The following TFAP2B variants were observed in gnomAD, a reference collection of about 807,000 sequenced individuals.
TFAP2B encodes transcription factor AP-2-beta.
A neutral mutation model predicts 44.3 loss-of-function variants in TFAP2B; 9 were observed. The observed-to-expected ratio is 0.20, with a 90% CI of 0.12 to 0.35. The LOEUF is 0.35. TFAP2B is among the 10% of genes least tolerant of loss of function. The pLI, the probability that TFAP2B is intolerant of heterozygous loss-of-function variation, is 1.00. For synonymous variants in TFAP2B, 270 were observed against 263.8 expected (o/e 1.02, Z -0.23); for missense variants, 509 against 600.0 (o/e 0.85, Z 1.59).
At position 50,823,765 on chromosome 6, in the gene TFAP2B, C is replaced by T. The variant is rs1357019319; in HGVS notation, c.440C>T (p.Pro147Leu). ...PRRDYHSVRR[P>L]DVLLHSAHHG... The stretch of plus-strand genomic sequence containing the variant: ...AGGGACTACCACTCGGTCCGCCGGC[C>T]GGACGTGCTGCTGCATTCGGCGCAC... Residue 147 changes from proline (P) to leucine (L), a missense_variant, in exon 2 of 7, where the codon CCG (proline) becomes CTG (leucine). Coordinates refer to ENST00000393655, the MANE Select transcript of TFAP2B (RefSeq NM_003221.4). The T allele has an allele frequency of 6.2e-7, 1 of 1,601,156 alleles. No homozygotes were observed.
chr6:50,823,247 T>C (rs1214396105), intron 1 of TFAP2B, among the ~76,000 whole-genome samples, 160 bp from the exon 2 acceptor site: 1 of 152,134 alleles, frequency 6.6e-6, no homozygotes, highest in African/African-American at 2.4e-5. Flanking sequence ...TTCAGATCCT[T>C]GCTTCCCTTG....
chr6:50,825,843 C>T (rs940266842), intron 2 of TFAP2B, among the ~76,000 whole-genome samples: 2 of 152,092 alleles, frequency 1.3e-5, no homozygotes, highest in African/African-American at 4.8e-5. Context: ...GGGAGGCCCA[C>T]GGGACCTTCT....
At chr6:50,838,522 C>T (rs1354363646) in intron 5 of TFAP2B, among the ~76,000 whole-genome samples, 1 of 152,148 alleles carries the variant, frequency 6.6e-6, no homozygotes, top group Non-Finnish European at 1.5e-5. Context: ...AAACTTTTGT[C>T]ACTCCTAGGG....
Position 50,828,032 on chromosome 6 carries a change from C to G in TFAP2B, c.541-587C>G, listed in dbSNP as rs182355400. Reference sequence around the variant, plus strand: ...GAGGGAGGGTAAATTGTGAAGGTTCCTCCAAGAGACTGTCATTGTGCAGCA... The same window carrying G: ...GAGGGAGGGTAAATTGTGAAGGTTCGTCCAAGAGACTGTCATTGTGCAGCA... On this transcript the variant is annotated intron_variant, in intron 2 of 6. Coordinates refer to ENST00000393655, the MANE Select transcript of TFAP2B (RefSeq NM_003221.4). 1.6e-3 allele frequency among the ~76,000 whole-genome samples: 241 copies of G among 152,288 alleles called. 1 individual carries two copies. The highest frequency in any genetic ancestry group is 5.5e-3 in the African/African-American group (230 of 41,552).
chr6:50,821,225 T>C (rs1770336736), intron 1 of TFAP2B, among the ~76,000 whole-genome samples: 1 of 152,226 alleles, frequency 6.6e-6, no homozygotes, highest in African/African-American at 2.4e-5. Context: ...AATCGCAAAC[T>C]ATGTGAGCAC....
intron 2 of TFAP2B, among the ~76,000 whole-genome samples, chr6:50,825,933 C>G (rs564435211): frequency 6.6e-6 from 1 of 152,292 alleles, no homozygotes; most frequent in East Asian, 1.9e-4. Context: ...ACGGTCTCTG[C>G]CTCCGCGGTG....
At chr6:50,830,247 T>G in intron 3 of TFAP2B, 1 of 956,042 alleles carries the variant, frequency 1.0e-6, no homozygotes, top group Non-Finnish European at 1.2e-6. Flanking sequence ...TCATTTGGGC[T>G]GGCAGGGGAA....
At chr6:50,826,994 C>CA (rs1339662992) in intron 2 of TFAP2B, among the ~76,000 whole-genome samples, 1 of 152,220 alleles carries the variant, frequency 6.6e-6, no homozygotes, top group Non-Finnish European at 1.5e-5. Context: ...ATATCCTGTA[C>CA]AAAAACCCAG....
At chr6:50,819,683 G>C (rs1258023497) in intron 1 of TFAP2B, among the ~76,000 whole-genome samples, 1 of 152,228 alleles carries the variant, frequency 6.6e-6, no homozygotes, top group Non-Finnish European at 1.5e-5. Context: ...CAACTCTTCG[G>C]GGCAGGAGAA....
chr6:50,839,661 T>C (rs1397508842), intron 5 of TFAP2B, among the ~76,000 whole-genome samples: 1 of 152,224 alleles, frequency 6.6e-6, no homozygotes, highest in African/African-American at 2.4e-5. Context: ...GAAATACTCT[T>C]TCCATATACA....
chr6:50,824,241 C>T (rs1441049636), intron 2 of TFAP2B, among the ~76,000 whole-genome samples: 2 of 152,334 alleles, frequency 1.3e-5, no homozygotes, highest in Non-Finnish European at 2.9e-5. Context: ...TCTTTACCAA[C>T]ACACACACCC....
At position 50,843,560 on chromosome 6, in the gene TFAP2B, C is replaced by CT. The variant is rs921416334; in HGVS notation, c.*169dup. On this transcript the variant is annotated 3_prime_UTR_variant, in exon 7 of 7. Transcript: ENST00000393655. Reference sequence around the variant, plus strand: ...AAAAGCTAAATAACTTAAAAAAAAACTGAGGCGTACAACGGAGCAACAATA... The same window carrying CT: ...AAAAGCTAAATAACTTAAAAAAAAACTTGAGGCGTACAACGGAGCAACAATA... 9 of 741,888 alleles carry CT rather than the reference C, an allele frequency of 1.2e-5. No homozygotes were observed. The African/African-American group carries it at 1.4e-4, about 12-fold the overall frequency. 46.0% of individuals were successfully genotyped at this position (741,888 alleles called of 1,614,324 possible). A position where few individuals can be genotyped will look rare whatever the true frequency, so the allele number is the denominator to read the frequency against.
intron 1 of TFAP2B, among the ~76,000 whole-genome samples, chr6:50,819,715 G>T (rs907240839): frequency 2.0e-5 from 3 of 152,216 alleles, no homozygotes; most frequent in East Asian, 3.9e-4. Flanking sequence ...CCAGGAGGAC[G>T]CCAGCCGCCT....
intron 1 of TFAP2B, chr6:50,822,231 C>G (rs1278508750): frequency 2.8e-5 from 34 of 1,204,470 alleles, no homozygotes; most frequent in Middle Eastern, 2.2e-4. Context: ...CTCTGCGTCT[C>G]TGTGTGTGTG....
chr6:50,830,042 A>C (rs1159694195), intron 3 of TFAP2B, among the ~76,000 whole-genome samples: 1 of 151,950 alleles, frequency 6.6e-6, no homozygotes, highest in Non-Finnish European at 1.5e-5. Context: ...TCGGTGCTTA[A>C]ATTTGCAACT....
Position 50,846,068 on chromosome 6 carries a change from C to T in TFAP2B, c.*2676C>T, listed in dbSNP as rs988911194. 2.0e-5 allele frequency: 3 copies of T among 152,760 alleles called. No individual in the cohort carries two copies. Among genetic ancestry groups the T allele is most frequent in the African/African-American group, 7.2e-5 (3 of 41,464 alleles). 9.5% of individuals were successfully genotyped at this position (152,760 alleles called of 1,614,324 possible). A position where few individuals can be genotyped will look rare whatever the true frequency, so the allele number is the denominator to read the frequency against. On this transcript the variant is annotated 3_prime_UTR_variant, in exon 7 of 7. Transcript: ENST00000393655. ...CCACCTCTGCCAGTACGGAAACACCCCACCGTCACAATCCTAAAGCGGGGA... is the reference window on the plus strand; with the variant it reads ...CCACCTCTGCCAGTACGGAAACACCTCACCGTCACAATCCTAAAGCGGGGA...
intron 3 of TFAP2B, among the ~76,000 whole-genome samples, chr6:50,834,235 T>C (rs1469379528): frequency 6.6e-6 from 1 of 152,204 alleles, no homozygotes; most frequent in African/African-American, 2.4e-5. Context: ...CATTGATTCA[T>C]TCTTAAATGG....
At chr6:50,829,104 TG>T (rs1332946871) in intron 3 of TFAP2B, among the ~76,000 whole-genome samples, 2 of 152,258 alleles carry the variant, frequency 1.3e-5, no homozygotes, top group Non-Finnish European at 2.9e-5. Context: ...TTGATTTTTT[TG>T]GTGATAATTT....
chr6:50,830,302 C>A lies in TFAP2B; in HGVS notation c.601+1623C>A, dbSNP rs61503348. 7.9e-4 allele frequency: 781 copies of A among 984,970 alleles called. 6 individuals carry two copies. The African/African-American group carries it at 0.013, about 16-fold the overall frequency. 61.0% of individuals were successfully genotyped at this position (984,970 alleles called of 1,614,324 possible). ...ATCAGAAATGTTATTAATAGCCAGT[C>A]CAATAAAAATATTTGTAACTTAGCT... On this transcript the variant is annotated intron_variant, in intron 3 of 6. Coordinates refer to ENST00000393655, the MANE Select transcript of TFAP2B (RefSeq NM_003221.4).
Sources: allele counts gnomAD v4.1 joint callset (sites outside exome capture counted in the v4.1 genomes callset), GRCh38; gene constraint gnomAD v4.1.1; transcripts MANE v1.5; gene names NCBI Gene and HGNC (gene_info 2026-07-23, HGNC 2026-07-21).